The following FHIT variants were observed in gnomAD, a reference collection of about 807,000 sequenced individuals.
FHIT encodes bis(5'-adenosyl)-triphosphatase.
A neutral mutation model predicts 17.9 loss-of-function variants in FHIT; 19 were observed. That is an observed-to-expected ratio of 1.06 (90% confidence interval 0.74 to 1.56). The LOEUF is 1.56. Among genes scored for constraint, FHIT ranks in the 40% most tolerant of loss-of-function variants. The probability of loss-of-function intolerance (pLI) is 0.00; values close to 1 mark genes in which losing one functional copy is unlikely to be tolerated. For missense variants in FHIT, 248 were observed against 189.2 expected, an observed-to-expected ratio of 1.31 and a Z score of -1.82; for synonymous variants, 81 against 69.7, an observed-to-expected ratio of 1.16 and a Z score of -0.81.
chr3:60,775,541 C>A (rs1417355515), intron 4 of FHIT, among the ~76,000 whole-genome samples: 1 of 152,278 alleles, frequency 6.6e-6, no homozygotes, highest in East Asian at 1.9e-4. Flanking sequence ...CCCTCTCCAT[C>A]GGTCTGTGAA....
At chr3:60,796,990 CAT>C (rs1188605631) in intron 4 of FHIT, among the ~76,000 whole-genome samples, 1 of 152,080 alleles carries the variant, frequency 6.6e-6, no homozygotes, top group Non-Finnish European at 1.5e-5. Flanking sequence ...TTATAAAGGC[CAT>C]GTGTTTGTAT....
At chr3:60,813,139 G>A (rs1553736577) in intron 4 of FHIT, among the ~76,000 whole-genome samples, 1 of 151,334 alleles carries the variant, frequency 6.6e-6, no homozygotes, top group Admixed American at 6.6e-5. Flanking sequence ...GTTATCATGA[G>A]TGAGTTATTA....
intron 4 of FHIT, among the ~76,000 whole-genome samples, chr3:60,821,461 C>T (rs1363317187): frequency 6.6e-6 from 1 of 150,976 alleles, no homozygotes; most frequent in Non-Finnish European, 1.5e-5. Context: ...AACAGAGCCT[C>T]CTCCTGCTGC....
intron 2 of FHIT, among the ~76,000 whole-genome samples, chr3:61,129,360 G>A (rs960134559): frequency 6.6e-6 from 1 of 152,120 alleles, no homozygotes; most frequent in African/African-American, 2.4e-5. Context: ...TTTTTGCTCT[G>A]GTTCTGTGCA....
intron 5 of FHIT, among the ~76,000 whole-genome samples, chr3:60,435,774 T>C (rs892621675): frequency 6.6e-6 from 1 of 152,078 alleles, no homozygotes; most frequent in Non-Finnish European, 1.5e-5. Context: ...CTAGTACTCA[T>C]TAGTTACTTT....
At chr3:60,457,283 T>G (rs2032164198) in intron 5 of FHIT, among the ~76,000 whole-genome samples, 1 of 152,070 alleles carries the variant, frequency 6.6e-6, no homozygotes, top group Non-Finnish European at 1.5e-5. Context: ...GTCACATATC[T>G]ACAACCACCT....
chr3:60,654,962 G>C (rs182526512), intron 4 of FHIT, among the ~76,000 whole-genome samples: 3 of 152,250 alleles, frequency 2.0e-5, no homozygotes, highest in East Asian at 1.9e-4. Flanking sequence ...GATGTGTGGA[G>C]GCAAGAGACA....
At chr3:60,293,640 G>C (rs192381479) in intron 5 of FHIT, among the ~76,000 whole-genome samples, 8 of 152,012 alleles carry the variant, frequency 5.3e-5, no homozygotes, top group Admixed American at 3.3e-4. Flanking sequence ...AAATGAAACG[G>C]TCCCTTGTTT....
intron 5 of FHIT, among the ~76,000 whole-genome samples, chr3:60,051,458 A>C (rs1051558159): frequency 1.3e-5 from 2 of 151,968 alleles, no homozygotes; most frequent in African/African-American, 4.8e-5. Context: ...CTGAGGAGGC[A>C]GGGCTCGGAC....
intron 2 of FHIT, among the ~76,000 whole-genome samples, chr3:61,120,254 G>A (rs2036417985): frequency 2.6e-5 from 4 of 152,152 alleles, no homozygotes; most frequent in South Asian, 4.1e-4. Flanking sequence ...ATCACTATGG[G>A]TGACTCTGTA....
At chr3:59,876,853 T>C (rs763718891) in intron 8 of FHIT, among the ~76,000 whole-genome samples, 1 of 152,200 alleles carries the variant, frequency 6.6e-6, no homozygotes, top group Non-Finnish European at 1.5e-5. Context: ...GAAGCTAATC[T>C]TACCCTTGAC....
chr3:60,957,458 T>C lies in FHIT; in HGVS notation c.-111+84589A>G, dbSNP rs566214960. On this transcript the variant is annotated intron_variant, in intron 3 of 9. Coordinates refer to ENST00000492590, the MANE Select transcript of FHIT (RefSeq NM_002012.4). Reference sequence around the variant, plus strand: ...TTCACCGTGTTAGCCACGATGGTCTTGATCTCCTGACCTTGTGATCCACCC... The same window carrying C: ...TTCACCGTGTTAGCCACGATGGTCTCGATCTCCTGACCTTGTGATCCACCC... Among the ~76,000 whole-genome samples the C allele has an allele frequency of 2.1e-4, 32 of 152,194 alleles. 1 individual carries two copies. In the South Asian group the frequency reaches 6.4e-3, roughly 31 times the overall value.
In FHIT at chr3:60,682,356, G is replaced by A. The variant is rs149418380; in HGVS notation, c.-18+139563C>T. 1.6e-4 allele frequency among the ~76,000 whole-genome samples: 25 copies of A among 152,282 alleles called. No individual in the cohort carries two copies. In the East Asian group the frequency reaches 3.1e-3, roughly 19 times the overall value. On this transcript the variant is annotated intron_variant, in intron 4 of 9. Transcript: ENST00000492590. Reference sequence around the variant, plus strand: ...TTTTCCTAGCTAGAGAGGAGAAGTCGATACCTGGCTTCAAATCTTCAAAGA... The same window carrying A: ...TTTTCCTAGCTAGAGAGGAGAAGTCAATACCTGGCTTCAAATCTTCAAAGA...
chr3:60,595,292 A>G (rs1351862908), intron 4 of FHIT, among the ~76,000 whole-genome samples: 6 of 152,070 alleles, frequency 3.9e-5, no homozygotes, highest in African/African-American at 1.4e-4. Context: ...AGGAGAGCCA[A>G]CGAGGAGAAA....
At chr3:60,250,058 G>A (rs1559761148) in intron 5 of FHIT, among the ~76,000 whole-genome samples, 1 of 151,922 alleles carries the variant, frequency 6.6e-6, no homozygotes, top group Non-Finnish European at 1.5e-5. Flanking sequence ...GGAGATTATT[G>A]CTATTCAAGG....
At chr3:60,782,218 A>G (rs1700415351) in intron 4 of FHIT, among the ~76,000 whole-genome samples, 1 of 101,286 alleles carries the variant, frequency 9.9e-6, no homozygotes, top group Non-Finnish European at 2.0e-5. Flanking sequence ...AGAATATTTC[A>G]TTGTGTGTGT....
At chr3:60,436,764 C>G (rs1312196102) in intron 5 of FHIT, among the ~76,000 whole-genome samples, 2 of 152,032 alleles carry the variant, frequency 1.3e-5, no homozygotes, top group African/African-American at 4.8e-5. Context: ...AAAGAGGTTT[C>G]TTTTTATTTC....
At chr3:60,514,483 G>C (rs551379650) in intron 5 of FHIT, among the ~76,000 whole-genome samples, 6 of 152,288 alleles carry the variant, frequency 3.9e-5, no homozygotes, top group Admixed American at 2.6e-4. Context: ...CGTTTCACTG[G>C]GGCCTGTCGA....
In FHIT at chr3:60,188,502, C is replaced by T. The variant is rs115369566; in HGVS notation, c.104-174350G>A. 9.0e-3 allele frequency among the ~76,000 whole-genome samples: 1,363 copies of T among 152,202 alleles called. 6 individuals are homozygous for T. The highest frequency in any genetic ancestry group is 0.014 in the Middle Eastern group (4 of 294). On this transcript the variant is annotated intron_variant, in intron 5 of 9. Transcript: ENST00000492590. Reference sequence around the variant, plus strand: ...TTTCCGCTGAATGATTCCTTTTTCTCTGGGTCTTGCCTCAAACAAGAAACC... The same window carrying T: ...TTTCCGCTGAATGATTCCTTTTTCTTTGGGTCTTGCCTCAAACAAGAAACC...
Sources: gnomAD v4.1 joint callset for allele counts (sites outside exome capture counted in the v4.1 genomes callset) on GRCh38, gnomAD v4.1.1 for gene constraint, MANE v1.5 for transcripts, NCBI Gene and HGNC (gene_info 2026-07-23, HGNC 2026-07-21) for gene names.